Variants in REDIC1 observed in about 807,000 individuals in gnomAD.
REDIC1 encodes HEI10 Interacting Protein 1.
At chr12:39,626,433 G>A in the REDIC1 span, 6 of 1,585,596 alleles carry the variant, frequency 3.8e-6, no homozygotes, top group African/African-American at 2.7e-5. Flanking sequence ...CTGGCGGAGA[G>A]GTCACAGCCT....
At chr12:39,787,379 G>A in the REDIC1 span, among the ~76,000 whole-genome samples, 3 of 152,162 alleles carry the variant, frequency 2.0e-5, no homozygotes, top group African/African-American at 7.2e-5. Context: ...CCCAAGGACA[G>A]AAAGGAATAC....
At chr12:39,691,282 T>C in the REDIC1 span, among the ~76,000 whole-genome samples, 1 of 152,164 alleles carries the variant, frequency 6.6e-6, no homozygotes, top group Non-Finnish European at 1.5e-5. Context: ...GGGAGTCAGG[T>C]TTGGGAAGCA....
the REDIC1 span, among the ~76,000 whole-genome samples, chr12:39,825,937 T>C: frequency 1.3e-5 from 2 of 152,162 alleles, no homozygotes; most frequent in African/African-American, 4.8e-5. Context: ...AATTTGAAGT[T>C]GCTTTTTGGG....
the REDIC1 span, among the ~76,000 whole-genome samples, chr12:39,891,901 TG>T: frequency 1.3e-5 from 2 of 152,302 alleles, no homozygotes; most frequent in South Asian, 2.1e-4. Flanking sequence ...TAGTTGTCTA[TG>T]GTTTTTCTAA....
At chr12:39,745,356 T>A in the REDIC1 span, among the ~76,000 whole-genome samples, 2 of 152,136 alleles carry the variant, frequency 1.3e-5, no homozygotes, top group Admixed American at 6.5e-5. Context: ...CAATAAAGGG[T>A]ACTGGTTAAA....
chr12:39,633,294 A>T, the REDIC1 span, among the ~76,000 whole-genome samples: 1 of 152,106 alleles, frequency 6.6e-6, no homozygotes, highest in African/African-American at 2.4e-5. Context: ...AAACACAAAT[A>T]CACATATTAA....
the REDIC1 span, among the ~76,000 whole-genome samples, chr12:39,751,651 C>T: frequency 6.6e-6 from 1 of 152,126 alleles, no homozygotes; most frequent in African/African-American, 2.4e-5. Flanking sequence ...TGAAACCAAC[C>T]CAAATGTCCA....
At chr12:39,692,006 T>G in the REDIC1 span, 3 of 1,479,780 alleles carry the variant, frequency 2.0e-6, no homozygotes, top group Non-Finnish European at 2.8e-6. Flanking sequence ...GTGAATATTA[T>G]TATGTATACT....
At chr12:39,629,086 C>G in the REDIC1 span, among the ~76,000 whole-genome samples, 1 of 152,056 alleles carries the variant, frequency 6.6e-6, no homozygotes, top group Non-Finnish European at 1.5e-5. Flanking sequence ...TTACACTAAG[C>G]CTTGAAGGAC....
chr12:39,732,863 TGTCTGGC>T, the REDIC1 span, among the ~76,000 whole-genome samples: 1 of 152,200 alleles, frequency 6.6e-6, no homozygotes, highest in Non-Finnish European at 1.5e-5. Flanking sequence ...GCTTCCTTGC[TGTCTGGC>T]ATGACAAGGT....
At chr12:39,721,407 C>T in the REDIC1 span, 1 of 618,988 alleles carries the variant, frequency 1.6e-6, no homozygotes. Context: ...CATGTTAAAA[C>T]ATTTTAATAT....
chr12:39,712,975 A>G, the REDIC1 span, among the ~76,000 whole-genome samples: 434 of 21,258 alleles, frequency 0.02, 2 homozygotes, highest in Admixed American at 0.035. Context: ...GTGTATATGT[A>G]TATATACATG....
chr12:39,897,369 A>C, the REDIC1 span, among the ~76,000 whole-genome samples: 1 of 152,182 alleles, frequency 6.6e-6, no homozygotes. Context: ...CTTCTTTAAC[A>C]GACAGCTGTC....
chr12:39,714,031 A>G, the REDIC1 span, among the ~76,000 whole-genome samples: 767 of 45,316 alleles, frequency 0.017, 5 homozygotes, highest in Admixed American at 0.041. Flanking sequence ...ATAAGTATAT[A>G]TACATGTATA....
the REDIC1 span, chr12:39,764,883 T>C: frequency 6.2e-7 from 1 of 1,604,788 alleles, no homozygotes; most frequent in Non-Finnish European, 8.5e-7. Flanking sequence ...AATATAAGTA[T>C]TAACTTAATG....
chr12:39,688,623 TAGC>T, the REDIC1 span, among the ~76,000 whole-genome samples: 1 of 152,198 alleles, frequency 6.6e-6, no homozygotes, highest in South Asian at 2.1e-4. Context: ...AAACAAATTT[TAGC>T]AGAGGAATAT....
the REDIC1 span, among the ~76,000 whole-genome samples, chr12:39,796,318 A>G: frequency 6.6e-6 from 1 of 151,428 alleles, no homozygotes; most frequent in African/African-American, 2.4e-5. Context: ...TTCTGGGTGC[A>G]GTGGCACATG....
the REDIC1 span, among the ~76,000 whole-genome samples, chr12:39,707,496 C>G: frequency 2.0e-5 from 3 of 151,822 alleles, no homozygotes; most frequent in Non-Finnish European, 4.4e-5. Flanking sequence ...GATCAAGCAT[C>G]CCACTGCTGG....
the REDIC1 span, chr12:39,829,392 C>CTTTTTTTTTTTTTTATTTTTTTTTT: frequency 1.5e-5 from 1 of 65,796 alleles, no homozygotes; most frequent in Admixed American, 2.3e-4. Context: ...GATAGTAATT[C>CTTTTTTTTTTTTTTATTTTTTTTTT]TTTTTTTTTT....
Sources: gnomAD v4.1 joint callset for allele counts (sites outside exome capture counted in the v4.1 genomes callset) on GRCh38, gnomAD v4.1.1 for gene constraint, MANE v1.5 for transcripts, NCBI Gene and HGNC (gene_info 2026-07-23, HGNC 2026-07-21) for gene names.